WLS: variants seen among roughly 807,000 people sequenced by gnomAD.
WLS encodes Wnt ligand secretion mediator, also known as protein wntless homolog.
WLS carries 23 observed loss-of-function variants against 62.8 expected under a neutral mutation model. That is an observed-to-expected ratio of 0.37 (90% CI 0.26 to 0.52). The LOEUF is 0.52. Among genes scored for constraint, WLS ranks in the 20% least tolerant of loss-of-function variants. The probability of loss-of-function intolerance (pLI) is 0.92; values close to 1 mark genes in which losing one functional copy is unlikely to be tolerated. For missense variants in WLS, 615 were observed against 697.3 expected, an observed-to-expected ratio of 0.88 and a Z score of 1.33; for synonymous variants, 246 against 244.1, an observed-to-expected ratio of 1.01 and a Z score of -0.07.
chr1:68,191,462 C>A (rs2100596520), intron 2 of WLS, among the ~76,000 whole-genome samples: 1 of 152,236 alleles, frequency 6.6e-6, no homozygotes, highest in African/African-American at 2.4e-5. Context: ...AAACTCTTTC[C>A]TTCCCAAGGC....
chr1:68,123,836 T>C (rs1646392401), downstream of WLS, among the ~76,000 whole-genome samples: 1 of 152,140 alleles, frequency 6.6e-6, no homozygotes, highest in Admixed American at 6.5e-5. Flanking sequence ...GAAAGGTGCA[T>C]GGATTCCTGG....
chr1:68,146,001 G>A lies in WLS; in HGVS notation c.1146C>T (p.Ile382=). The A allele has an allele frequency of 1.2e-6, 2 of 1,614,132 alleles. No homozygotes were observed. Among genetic ancestry groups the A allele is most frequent in the East Asian group, 2.2e-5 (1 of 44,874 alleles). ...GGCAGAGGCAGATTCCAGCCACGAT[G>A]ATGAAGGCCATCTGGTCGTGTCCAG... is the stretch of plus-strand genomic sequence containing the variant. ...DIGTELAMAF[I]IVAGICLCLY... The change falls in exon 9 of 12, where the codon ATC becomes ATT. Residue 382 remains isoleucine, a synonymous_variant. Transcript: ENST00000262348.
intron 3 of WLS, among the ~76,000 whole-genome samples, chr1:68,156,772 C>T (rs1646905714): frequency 6.6e-6 from 1 of 152,044 alleles, no homozygotes; most frequent in Non-Finnish European, 1.5e-5. Context: ...TCTTTCTCTC[C>T]CCTCCACTCC....
intron 8 of WLS, 88 bp from the exon 9 acceptor site, chr1:68,146,100 A>G (rs1422884211): frequency 1.7e-5 from 25 of 1,463,964 alleles, no homozygotes; most frequent in Middle Eastern, 3.8e-4. Context: ...TGTTGGCAAT[A>G]CTTGTTTTGT....
Position 68,232,457 on chromosome 1 carries a change from A to G in WLS, c.-158T>C, listed in dbSNP as rs1650475011. On this transcript the variant is annotated 5_prime_UTR_variant, in exon 1 of 12. Transcript: ENST00000262348. ...GCGGCGAGGATGGGACCGGGACGGA[A>G]GGCGCCCGCACGGATTCCCCCGGCG... 2.2e-6 allele frequency: 3 copies of G among 1,382,440 alleles called. No individual in the cohort carries two copies. The highest frequency in any genetic ancestry group is 1.9e-6 in the Non-Finnish European group (2 of 1,064,642). 85.6% of individuals were successfully genotyped at this position (1,382,440 alleles called of 1,614,324 possible).
chr1:68,213,451 CA>C (rs900446226), intron 1 of WLS, among the ~76,000 whole-genome samples: 930 of 51,188 alleles, frequency 0.018, 3 homozygotes, highest in Middle Eastern at 0.051. Context: ...AACTTCATTC[CA>C]AAAAAAAAAA....
intron 11 of WLS, among the ~76,000 whole-genome samples, chr1:68,127,604 T>C (rs1270148958): frequency 2.6e-5 from 4 of 152,140 alleles, no homozygotes; most frequent in African/African-American, 9.7e-5. Context: ...GCACACATGT[T>C]TGTGGAGAGG....
At position 68,161,836 on chromosome 1, in the gene WLS, G is replaced by A. The variant is rs928266904; in HGVS notation, c.380-2589C>T. The A allele has an allele frequency of 2.5e-6, 4 of 1,605,570 alleles. No individual in the cohort carries two copies. The African/African-American group carries it at 5.3e-5, about 21-fold the overall frequency. On this transcript the variant is annotated intron_variant, in intron 2 of 11. Coordinates refer to ENST00000262348, the MANE Select transcript of WLS (RefSeq NM_024911.7). ...GGGCGCCTGGGAAGGATGTGCCACTGTTGGGAGGTTGTGAGTCACTGGGAT... is the reference window on the plus strand; with the variant it reads ...GGGCGCCTGGGAAGGATGTGCCACTATTGGGAGGTTGTGAGTCACTGGGAT...
intron 6 of WLS, among the ~76,000 whole-genome samples, chr1:68,149,575 T>C (rs1290135157): frequency 1.3e-5 from 2 of 152,232 alleles, no homozygotes; most frequent in Non-Finnish European, 2.9e-5. Flanking sequence ...CCAGCTGGCA[T>C]ATCATCTTAG....
chr1:68,220,455 C>T (rs961272126), intron 1 of WLS, among the ~76,000 whole-genome samples: 6 of 152,172 alleles, frequency 3.9e-5, no homozygotes, highest in African/African-American at 7.2e-5. Flanking sequence ...CCACAACCCC[C>T]GTGACTCAGA....
Position 68,145,958 on chromosome 1 carries a change from A to G in WLS, c.1189T>C (p.Cys397Arg). Residue 397 changes from cysteine (C) to arginine (R), a missense_variant, in exon 9 of 12, where the codon TGC (cysteine) becomes CGC (arginine). Cys to Arg is a radical substitution (Grantham distance 180). Coordinates refer to ENST00000262348, the MANE Select transcript of WLS (RefSeq NM_024911.7). ...CGAAACACCTGAAATACCATGAAGC[A>G]TAGAAACAGGAAGTAGAGGCAGAGG... Reference protein sequence around the residue: ...ICLCLYFLFLCFMVFQVFRNI... With the variant: ...ICLCLYFLFLRFMVFQVFRNI... 6.2e-7 allele frequency: 1 copy of G among 1,614,226 alleles called. No individual in the cohort carries two copies. Among genetic ancestry groups the G allele is most frequent in the South Asian group, 1.1e-5 (1 of 91,080 alleles).
At chr1:68,098,792 C>G in intron 11 of WLS, 9 of 1,593,824 alleles carry the variant, frequency 5.6e-6, no homozygotes, top group Non-Finnish European at 7.7e-6. Flanking sequence ...TGCAAAATAT[C>G]CTTTTAAAAA....
At chr1:68,114,044 C>T (rs1237277582) in intron 11 of WLS, among the ~76,000 whole-genome samples, 1 of 152,226 alleles carries the variant, frequency 6.6e-6, no homozygotes, top group East Asian at 1.9e-4. Flanking sequence ...CTGTGAAACA[C>T]ACCTTGAGAA....
intron 11 of WLS, among the ~76,000 whole-genome samples, chr1:68,132,304 C>A (rs561447703): frequency 2.6e-5 from 4 of 152,276 alleles, no homozygotes; most frequent in African/African-American, 9.6e-5. Flanking sequence ...GCTTTTAAGA[C>A]CTGCTTTAGG....
At chr1:68,114,587 T>C (rs917304771) in intron 11 of WLS, among the ~76,000 whole-genome samples, 3 of 152,212 alleles carry the variant, frequency 2.0e-5, no homozygotes, top group Non-Finnish European at 4.4e-5. Flanking sequence ...CTCGTTTTAA[T>C]CCGTTTCATG....
intron 2 of WLS, among the ~76,000 whole-genome samples, chr1:68,182,056 A>G (rs533976466): frequency 6.6e-6 from 1 of 152,358 alleles, no homozygotes; most frequent in East Asian, 1.9e-4. Context: ...TGTTAAGACT[A>G]GAGACTAATC....
chr1:68,138,174 T>A, intron 10 of WLS: 1 of 501,658 alleles, frequency 2.0e-6, no homozygotes, highest in Non-Finnish European at 3.5e-6. Flanking sequence ...CAGATTAGTA[T>A]CACCTGGGGA....
chr1:68,208,108 C>A (rs953030071), intron 1 of WLS, among the ~76,000 whole-genome samples: 2 of 152,192 alleles, frequency 1.3e-5, no homozygotes, highest in African/African-American at 4.8e-5. Context: ...TCTAAGATAA[C>A]CCTGAGAAAT....
chr1:68,162,365 A>C (rs1646990050), intron 2 of WLS: 3 of 1,613,992 alleles, frequency 1.9e-6, no homozygotes, highest in Non-Finnish European at 2.5e-6. Flanking sequence ...TTGAGATTGC[A>C]GTGCAAGGAG....
Sources: gnomAD v4.1 joint callset for allele counts (sites outside exome capture counted in the v4.1 genomes callset) on GRCh38, gnomAD v4.1.1 for gene constraint, MANE v1.5 for transcripts, NCBI Gene and HGNC (gene_info 2026-07-23, HGNC 2026-07-21) for gene names.